Variants in ZC3H12B observed in about 807,000 individuals in gnomAD.
The protein encoded by ZC3H12B is zinc finger CCCH-type containing 12B, also known as probable ribonuclease ZC3H12B.
A neutral mutation model predicts 43.9 loss-of-function variants in ZC3H12B; 7 were observed. That is an observed-to-expected ratio of 0.16 (90% CI 0.09 to 0.30). ZC3H12B has a LOEUF of 0.30. Among genes scored for constraint, ZC3H12B ranks in the 10% least tolerant of loss-of-function variants. ZC3H12B has a pLI of 1.00. For missense variants in ZC3H12B, 475 were observed against 670.2 expected (o/e 0.71, Z 3.22); for synonymous variants, 222 against 241.7 (o/e 0.92, Z 0.76).
At chrX:65,214,056 T>A in the ZC3H12B span, among the ~76,000 whole-genome samples, 47 of 110,997 alleles carry the variant, frequency 4.2e-4, no homozygotes, top group East Asian at 0.012. Flanking sequence ...AAAATGTACA[T>A]ATCTTATTTC....
chrX:65,382,978 T>C (rs1602351460), intron 2 of ZC3H12B, among the ~76,000 whole-genome samples: 1 of 111,167 alleles, frequency 9.0e-6, no homozygotes, highest in East Asian at 2.8e-4. Flanking sequence ...GGAAGAACAT[T>C]CCATGCTCAT....
chrX:65,387,295 C>T (rs2066541293), intron 2 of ZC3H12B, among the ~76,000 whole-genome samples: 1 of 111,532 alleles, frequency 9.0e-6, no homozygotes, highest in African/African-American at 3.3e-5. Flanking sequence ...TTCTAGGTAT[C>T]TAAGGACTGT....
the ZC3H12B span, among the ~76,000 whole-genome samples, chrX:65,212,125 A>G: frequency 1.7e-5 from 1 of 57,577 alleles, no homozygotes; most frequent in South Asian, 1.3e-3. Flanking sequence ...TATAGTATAT[A>G]ATATACTATA....
At chrX:65,086,024 C>T in the ZC3H12B span, among the ~76,000 whole-genome samples, 2 of 107,419 alleles carry the variant, frequency 1.9e-5, no homozygotes, top group African/African-American at 6.9e-5. Context: ...AATTCACATT[C>T]TACCAATTGT....
chrX:65,148,296 A>G, the ZC3H12B span, among the ~76,000 whole-genome samples: 1 of 110,846 alleles, frequency 9.0e-6, no homozygotes, highest in Non-Finnish European at 1.9e-5. Flanking sequence ...GGGATGGCAT[A>G]ATGCTCCGTG....
chrX:65,291,513 G>A, the ZC3H12B span, among the ~76,000 whole-genome samples: 8 of 111,766 alleles, frequency 7.2e-5, no homozygotes, highest in South Asian at 2.5e-3. Context: ...TGAACCTTGA[G>A]GAAATTATTC....
intron 3 of ZC3H12B, among the ~76,000 whole-genome samples, chrX:65,466,541 A>G (rs1243865378): frequency 4.5e-5 from 5 of 110,032 alleles, no homozygotes; most frequent in African/African-American, 1.6e-4. Flanking sequence ...TGGATTGCAG[A>G]TTTCTTTCCA....
chrX:65,425,022 G>T (rs1468741973), intron 3 of ZC3H12B, among the ~76,000 whole-genome samples: 1 of 111,646 alleles, frequency 9.0e-6, no homozygotes, highest in Non-Finnish European at 1.9e-5. Flanking sequence ...GTAGTTTAAT[G>T]GGAATAGCAT....
chrX:65,229,362 AC>A, the ZC3H12B span, among the ~76,000 whole-genome samples: 1 of 110,435 alleles, frequency 9.1e-6, no homozygotes, highest in African/African-American at 3.3e-5. Flanking sequence ...TCCCTTCCTT[AC>A]ACCTTATACA....
chrX:65,502,030 T>C (rs913763324), exon 5 of ZC3H12B: 2 of 1,208,824 alleles, frequency 1.7e-6, no homozygotes, highest in African/African-American at 3.5e-5. Flanking sequence ...GGTCTGTGGC[T>C]ATGGAGCCTG....
chrX:65,207,448 A>G, the ZC3H12B span, among the ~76,000 whole-genome samples: 3 of 111,047 alleles, frequency 2.7e-5, no homozygotes, highest in Non-Finnish European at 5.7e-5. Flanking sequence ...ATGCAAAAGC[A>G]TAAGAATGAT....
chrX:65,465,428 T>G (rs1348027698), intron 3 of ZC3H12B, among the ~76,000 whole-genome samples: 1 of 111,467 alleles, frequency 9.0e-6, no homozygotes. Flanking sequence ...TTCCAGCTCT[T>G]TTTTTGCTAC....
At chrX:65,448,983 A>G (rs867677382) in intron 3 of ZC3H12B, among the ~76,000 whole-genome samples, 4 of 95,251 alleles carry the variant, frequency 4.2e-5, no homozygotes, top group African/African-American at 1.5e-4. Context: ...AAGAAAGAGA[A>G]AGAAAGAAAG....
chrX:65,058,637 C>T, the ZC3H12B span, among the ~76,000 whole-genome samples: 30 of 112,297 alleles, frequency 2.7e-4, no homozygotes, highest in Admixed American at 2.8e-3. Context: ...GCAGAGGTTT[C>T]TGCTGCCTTT....
intron 2 of ZC3H12B, among the ~76,000 whole-genome samples, chrX:65,392,139 C>G (rs182763058): frequency 9.0e-6 from 1 of 111,678 alleles, no homozygotes; most frequent in African/African-American, 3.3e-5. Context: ...CAGCCGCCTG[C>G]CTTGGCCTCC....
At chrX:65,227,772 A>G in the ZC3H12B span, among the ~76,000 whole-genome samples, 2 of 111,479 alleles carry the variant, frequency 1.8e-5, no homozygotes, top group Admixed American at 9.5e-5. Flanking sequence ...CAAATAAACT[A>G]GAAAATCTAG....
At chrX:65,250,266 T>G in the ZC3H12B span, among the ~76,000 whole-genome samples, 1 of 111,877 alleles carries the variant, frequency 8.9e-6, no homozygotes, top group Non-Finnish European at 1.9e-5. Flanking sequence ...GGAAATGAAC[T>G]CATCCTTTTT....
the ZC3H12B span, among the ~76,000 whole-genome samples, chrX:65,041,690 G>A: frequency 8.9e-6 from 1 of 112,266 alleles, no homozygotes; most frequent in East Asian, 2.8e-4. Flanking sequence ...TGCATTAAAA[G>A]TTACACTTAG....
At chrX:65,191,004 A>C in the ZC3H12B span, among the ~76,000 whole-genome samples, 21 of 87,206 alleles carry the variant, frequency 2.4e-4, no homozygotes, top group Non-Finnish European at 4.4e-4. Context: ...AGTTTTTAGC[A>C]TGAAGGGTTG....
Sources: allele counts gnomAD v4.1 joint callset (sites outside exome capture counted in the v4.1 genomes callset), GRCh38; gene constraint gnomAD v4.1.1; transcripts MANE v1.5; gene names NCBI Gene and HGNC (gene_info 2026-07-23, HGNC 2026-07-21).